PLPPR1: variants seen among roughly 807,000 people sequenced by gnomAD.
The protein encoded by PLPPR1 is phospholipid phosphatase-related protein type 1.
In PLPPR1, 10 loss-of-function variants were observed where a neutral mutation model predicts 33.1. The ratio of observed to expected loss-of-function variants is 0.30; its 90% CI spans 0.19 to 0.51. PLPPR1 has a LOEUF of 0.51. Ranked by LOEUF, PLPPR1 falls within the 20% of genes least tolerant of loss-of-function variation. The probability of loss-of-function intolerance (pLI) is 0.97; values close to 1 mark genes in which losing one functional copy is unlikely to be tolerated. For missense variants in PLPPR1, 304 were observed against 408.1 expected (o/e 0.74, Z 2.20); for synonymous variants, 151 against 151.0 (o/e 1.00, Z 0.00).
At chr9:101,147,361 T>C (rs1831533275) in intron 1 of PLPPR1, among the ~76,000 whole-genome samples, 1 of 152,204 alleles carries the variant, frequency 6.6e-6, no homozygotes, top group African/African-American at 2.4e-5. Context: ...ACCTATTTCT[T>C]CATAATATTA....
intron 1 of PLPPR1, among the ~76,000 whole-genome samples, chr9:101,037,056 C>T (rs188779291): frequency 2.2e-3 from 336 of 152,250 alleles, no homozygotes; most frequent in African/African-American, 3.3e-3. Context: ...TTGCCACCCA[C>T]GATGCCATGA....
rs1366005712 is a variant in PLPPR1 at position 101,293,020 on chromosome 9, G to C, written c.385+6784G>C. 6.6e-5 allele frequency among the ~76,000 whole-genome samples: 10 copies of C among 152,082 alleles called. No homozygotes were observed. In the East Asian group the frequency reaches 1.4e-3, roughly 21 times the overall value. On this transcript the variant is annotated intron_variant, in intron 4 of 7. Coordinates refer to ENST00000374874, the MANE Select transcript of PLPPR1 (RefSeq NM_207299.2). ...AAGACACAGACTGGCAAATTGGATA[G>C]AGTCAAGACCCATCAGTGTGCTGTA...
intron 2 of PLPPR1, among the ~76,000 whole-genome samples, chr9:101,266,009 C>A (rs998649527): frequency 1.3e-5 from 2 of 151,422 alleles, no homozygotes; most frequent in African/African-American, 4.8e-5. Flanking sequence ...AAAAAAAGGT[C>A]ACAGGAGAAT....
chr9:101,324,206 G>T lies in PLPPR1; in HGVS notation c.*149G>T. The T allele has an allele frequency of 5.6e-6, 3 of 531,640 alleles. No homozygotes were observed. Among genetic ancestry groups the T allele is most frequent in the Non-Finnish European group, 9.6e-6 (3 of 312,284 alleles). The allele number at this position is 531,640 out of a possible 1,614,324, so 32.9% of individuals were successfully genotyped here. On this transcript the variant is annotated 3_prime_UTR_variant, in exon 8 of 8. Coordinates refer to ENST00000374874, the MANE Select transcript of PLPPR1 (RefSeq NM_207299.2). ...TTTTGTACATTTTTTGTATGAGGAA[G>T]TGATGTAGCTTGCCCTGATTTTTTT...
At chr9:101,069,490 T>C (rs903525714) in intron 1 of PLPPR1, among the ~76,000 whole-genome samples, 1 of 152,052 alleles carries the variant, frequency 6.6e-6, no homozygotes, top group Non-Finnish European at 1.5e-5. Flanking sequence ...GCCATCCCAG[T>C]GATACGTTTC....
chr9:101,246,776 G>A (rs559494296), intron 2 of PLPPR1, among the ~76,000 whole-genome samples: 1 of 152,090 alleles, frequency 6.6e-6, no homozygotes, highest in East Asian at 1.9e-4. Context: ...GACCATACTG[G>A]GCCGTTTTCC....
intron 4 of PLPPR1, among the ~76,000 whole-genome samples, chr9:101,288,508 G>A (rs1471984111): frequency 6.6e-6 from 1 of 152,070 alleles, no homozygotes; most frequent in Non-Finnish European, 1.5e-5. Flanking sequence ...TTAAACTTTG[G>A]AGAATTAGAG....
intron 1 of PLPPR1, among the ~76,000 whole-genome samples, chr9:101,175,709 G>A (rs537641639): frequency 6.6e-6 from 1 of 152,180 alleles, no homozygotes; most frequent in African/African-American, 2.4e-5. Flanking sequence ...TAAATTATAT[G>A]GCTTGTTATG....
chr9:101,239,795 A>G (rs977045598), intron 2 of PLPPR1, among the ~76,000 whole-genome samples: 2 of 151,892 alleles, frequency 1.3e-5, no homozygotes, highest in South Asian at 4.2e-4. Flanking sequence ...TATATCCTGG[A>G]TATCCCCTTG....
Position 101,190,144 on chromosome 9 carries a change from C to G in PLPPR1, c.63+4587C>G, listed in dbSNP as rs112278089. On this transcript the variant is annotated intron_variant, in intron 2 of 7. Coordinates refer to ENST00000374874, the MANE Select transcript of PLPPR1 (RefSeq NM_207299.2). The stretch of plus-strand genomic sequence containing the variant: ...AACGTATCGTCAAAGTTGATCTTTC[C>G]TTGTAGTCTTCCTATACCAACAGGT... Among the ~76,000 whole-genome samples, 328 of 152,222 alleles carry G rather than the reference C, an allele frequency of 2.2e-3. 2 individuals carry two copies. Among genetic ancestry groups the G allele is most frequent in the African/African-American group, 6.9e-3 (287 of 41,542 alleles).
intron 1 of PLPPR1, among the ~76,000 whole-genome samples, chr9:101,164,763 A>G (rs1040226687): frequency 6.6e-6 from 1 of 152,194 alleles, no homozygotes; most frequent in African/African-American, 2.4e-5. Context: ...ATGAAGTAGA[A>G]GTAAAACTAA....
chr9:101,225,687 C>T (rs1388766341), intron 2 of PLPPR1, among the ~76,000 whole-genome samples: 2 of 152,086 alleles, frequency 1.3e-5, no homozygotes, highest in Non-Finnish European at 1.5e-5. Context: ...TGTGTTCACT[C>T]TTGGAGGCTT....
At chr9:101,035,192 C>T (rs765860419) in intron 1 of PLPPR1, among the ~76,000 whole-genome samples, 2 of 152,076 alleles carry the variant, frequency 1.3e-5, no homozygotes, top group African/African-American at 2.4e-5. Flanking sequence ...TACAACATTC[C>T]GTAGGAAATT....
intron 1 of PLPPR1, among the ~76,000 whole-genome samples, chr9:101,124,018 C>T (rs893490157): frequency 6.6e-6 from 1 of 152,174 alleles, no homozygotes; most frequent in African/African-American, 2.4e-5. Flanking sequence ...AACATGCCCC[C>T]CTTCTCTTTT....
At chr9:101,154,833 C>T (rs1467566452) in intron 1 of PLPPR1, among the ~76,000 whole-genome samples, 3 of 151,626 alleles carry the variant, frequency 2.0e-5, no homozygotes, top group Admixed American at 6.6e-5. Flanking sequence ...AAGCTGGAAA[C>T]CATCATTCTC....
At chr9:101,131,534 C>T (rs1831313917) in intron 1 of PLPPR1, 2 of 152,094 alleles carry the variant, frequency 1.3e-5, no homozygotes, top group Admixed American at 6.6e-5. Flanking sequence ...GAAAGTGAGC[C>T]AGATGGAGCT....
At chr9:101,066,393 C>G (rs972742412) in intron 1 of PLPPR1, among the ~76,000 whole-genome samples, 2 of 151,816 alleles carry the variant, frequency 1.3e-5, no homozygotes, top group Non-Finnish European at 2.9e-5. Flanking sequence ...CCCTTCCATA[C>G]TTTGGAAGGA....
At chr9:101,275,080 T>C (rs1828164811) in intron 3 of PLPPR1, among the ~76,000 whole-genome samples, 1 of 152,222 alleles carries the variant, frequency 6.6e-6, no homozygotes, top group South Asian at 2.1e-4. Context: ...TGCACAGTTG[T>C]TTATTCCTTC....
intron 1 of PLPPR1, among the ~76,000 whole-genome samples, chr9:101,127,710 G>A (rs563098897): frequency 1.4e-4 from 21 of 152,256 alleles, no homozygotes; most frequent in African/African-American, 3.1e-4. Context: ...GTGTGTCAGC[G>A]TAGCCCTCCA....
Sources: allele counts gnomAD v4.1 joint callset (sites outside exome capture counted in the v4.1 genomes callset), GRCh38; gene constraint gnomAD v4.1.1; transcripts MANE v1.5; gene names NCBI Gene and HGNC (gene_info 2026-07-23, HGNC 2026-07-21).